The following ZNF112 variants were observed in gnomAD, a reference collection of about 807,000 sequenced individuals.
ZNF112 encodes zinc finger protein 112 (Y14).
ZNF112 carries 37 observed loss-of-function variants against 77.7 expected under a neutral mutation model. The observed-to-expected ratio is 0.48, with a 90% confidence interval of 0.37 to 0.63. The LOEUF (loss-of-function observed/expected upper bound fraction) is 0.63, where lower values mean the gene tolerates loss of function less well. Ranked by LOEUF, ZNF112 falls within the 20% of genes least tolerant of loss-of-function variation. ZNF112 has a pLI of 0.00. For synonymous variants in ZNF112, 333 were observed against 363.6 expected, an observed-to-expected ratio of 0.92 and a Z score of 0.96; for missense variants, 950 against 1,077.4, an observed-to-expected ratio of 0.88 and a Z score of 1.66.
chr19:44,359,785 G>A (rs182270664), upstream of ZNF112, among the ~76,000 whole-genome samples: 1 of 152,094 alleles, frequency 6.6e-6, no homozygotes, highest in Admixed American at 6.5e-5. Context: ...ATAGATAAAA[G>A]ACTGTGGCAT....
At chr19:44,353,548 G>C (rs1272605281) in intron 1 of ZNF112, among the ~76,000 whole-genome samples, 1 of 151,736 alleles carries the variant, frequency 6.6e-6, no homozygotes, top group Non-Finnish European at 1.5e-5. Context: ...TCAACAATAG[G>C]AAAAATATAA....
At chr19:44,366,130 G>A (rs1397637536) in intron 1 of ZNF112, among the ~76,000 whole-genome samples, 1 of 152,156 alleles carries the variant, frequency 6.6e-6, no homozygotes, top group Admixed American at 6.5e-5. Flanking sequence ...CAGGAGGATA[G>A]CTTGTAGCCA....
chr19:44,358,374 G>A (rs2123223959), upstream of ZNF112, among the ~76,000 whole-genome samples: 1 of 152,254 alleles, frequency 6.6e-6, no homozygotes, highest in South Asian at 2.1e-4. Flanking sequence ...AATAAAATGA[G>A]TGATTTGGAA....
intron 1 of ZNF112, among the ~76,000 whole-genome samples, chr19:44,353,270 C>G (rs1970724979): frequency 6.6e-6 from 1 of 152,080 alleles, no homozygotes; most frequent in African/African-American, 2.4e-5. Flanking sequence ...AAATGGATCA[C>G]AGATTTAAGT....
intron 3 of ZNF112, among the ~76,000 whole-genome samples, chr19:44,334,253 T>C (rs576600694): frequency 6.6e-6 from 1 of 152,364 alleles, no homozygotes; most frequent in South Asian, 2.1e-4. Context: ...TCTGGTGGAA[T>C]AAATTTCTAA....
chr19:44,364,879 C>G (rs1970887983), intron 1 of ZNF112, among the ~76,000 whole-genome samples: 1 of 152,096 alleles, frequency 6.6e-6, no homozygotes, highest in Non-Finnish European at 1.5e-5. Flanking sequence ...CAAGGGACTA[C>G]TGTATTCAGG....
intron 1 of ZNF112, among the ~76,000 whole-genome samples, chr19:44,345,485 C>A (rs1279746083): frequency 1.3e-5 from 2 of 152,164 alleles, no homozygotes. Context: ...CCAGTTTAGA[C>A]CTCTCTGATC....
At chr19:44,339,177 T>C (rs1157997182) in intron 2 of ZNF112, among the ~76,000 whole-genome samples, 2 of 152,250 alleles carry the variant, frequency 1.3e-5, no homozygotes, top group African/African-American at 2.4e-5. Context: ...TTCCTCTTTT[T>C]ATAAAACAGA....
intron 1 of ZNF112, among the ~76,000 whole-genome samples, chr19:44,356,090 G>A (rs568134127): frequency 4.7e-4 from 71 of 152,254 alleles, no homozygotes; most frequent in African/African-American, 1.7e-3. Context: ...TCAGAAAAGG[G>A]CCAGGGATAC....
chr19:44,345,985 T>C (rs1300088537), intron 1 of ZNF112, among the ~76,000 whole-genome samples: 1 of 152,222 alleles, frequency 6.6e-6, no homozygotes, highest in Non-Finnish European at 1.5e-5. Flanking sequence ...GTAAAAATCA[T>C]TCTTAGCTGA....
upstream of ZNF112, among the ~76,000 whole-genome samples, chr19:44,357,459 G>T (rs1204817257): frequency 6.6e-6 from 1 of 152,110 alleles, no homozygotes; most frequent in Non-Finnish European, 1.5e-5. Context: ...TCTTTGACTC[G>T]ATTACCTTTT....
At chr19:44,332,581 T>A (rs1022414662) in intron 3 of ZNF112, among the ~76,000 whole-genome samples, 1 of 152,248 alleles carries the variant, frequency 6.6e-6, no homozygotes, top group African/African-American at 2.4e-5. Flanking sequence ...TTTACTATTA[T>A]AAAAAACACT....
chr19:44,361,388 G>A (rs115041743), upstream of ZNF112, among the ~76,000 whole-genome samples: 1 of 152,070 alleles, frequency 6.6e-6, no homozygotes, highest in South Asian at 2.1e-4. Flanking sequence ...GAATGTGAGT[G>A]ATATTTCAAT....
chr19:44,331,103 T>C (rs1204032612), intron 3 of ZNF112, among the ~76,000 whole-genome samples: 2 of 152,230 alleles, frequency 1.3e-5, no homozygotes, highest in Non-Finnish European at 2.9e-5. Flanking sequence ...GCTTAGAGAA[T>C]AATAAGCTCT....
chr19:44,347,411 T>C (rs551213231), intron 1 of ZNF112, among the ~76,000 whole-genome samples: 140 of 152,088 alleles, frequency 9.2e-4, no homozygotes, highest in African/African-American at 3.2e-3. Context: ...TCTACCATTT[T>C]ATTATCTTTT....
intron 3 of ZNF112, among the ~76,000 whole-genome samples, chr19:44,331,978 T>A (rs1360161179): frequency 6.6e-6 from 1 of 152,190 alleles, no homozygotes; most frequent in East Asian, 1.9e-4. Context: ...GCAGGGCCTG[T>A]GGATTGAGTC....
upstream of ZNF112, among the ~76,000 whole-genome samples, chr19:44,358,075 C>T (rs1970814177): frequency 6.7e-6 from 1 of 148,778 alleles, no homozygotes; most frequent in Non-Finnish European, 1.5e-5. Flanking sequence ...TGGCGTGAAC[C>T]CGGGAGGCGG....
intron 1 of ZNF112, among the ~76,000 whole-genome samples, chr19:44,363,443 T>C (rs1836275): frequency 0.18 from 27,849 of 152,126 alleles, 3,378 homozygotes; most frequent in African/African-American, 0.35. Context: ...CATGACACTT[T>C]CCAGTCAGTC....
chr19:44,329,763 T>C lies in ZNF112; in HGVS notation c.394A>G (p.Asn132Asp). 1 of 1,614,052 alleles carries C rather than the reference T, an allele frequency of 6.2e-7. No homozygotes were observed. Among genetic ancestry groups the C allele is most frequent in the Non-Finnish European group, 8.5e-7 (1 of 1,180,010 alleles). ...GKNSQLQEQG[N>D]SLGQVWAGIP... Reference sequence around the variant, plus strand: ...CCTGCCCAAACCTGGCCGAGGGAATTACCTTGTTCTTGCAACTGAGAATTC... The same window carrying C: ...CCTGCCCAAACCTGGCCGAGGGAATCACCTTGTTCTTGCAACTGAGAATTC... The change falls in exon 4 of 4, where the codon AAT becomes GAT. Residue 132 changes from asparagine to aspartate, a missense_variant. Transcript: ENST00000354340.
Sources: allele counts gnomAD v4.1 joint callset (sites outside exome capture counted in the v4.1 genomes callset), GRCh38; gene constraint gnomAD v4.1.1; transcripts MANE v1.5; gene names NCBI Gene and HGNC (gene_info 2026-07-23, HGNC 2026-07-21).